The following PDE4D variants were observed in gnomAD, a reference collection of about 807,000 sequenced individuals.
PDE4D encodes 3',5'-cyclic-AMP phosphodiesterase 4D.
In PDE4D, 24 loss-of-function variants were observed where a neutral mutation model predicts 87.4. The observed-to-expected ratio is 0.27, with a 90% CI of 0.20 to 0.39. PDE4D has a LOEUF of 0.39. Ranked by LOEUF, PDE4D falls within the 10% of genes least tolerant of loss-of-function variation. PDE4D has a pLI of 1.00. For missense variants in PDE4D, 714 were observed against 1,041.0 expected, an observed-to-expected ratio of 0.69 and a Z score of 4.32; for synonymous variants, 384 against 383.2, an observed-to-expected ratio of 1.00 and a Z score of -0.02.
At chr5:59,435,194 C>T (rs1219387251) in intron 1 of PDE4D, among the ~76,000 whole-genome samples, 1 of 152,120 alleles carries the variant, frequency 6.6e-6, no homozygotes, top group Non-Finnish European at 1.5e-5. Context: ...CCTTCACTTA[C>T]CTACCAAGAT....
chr5:60,479,053 A>G (rs1194561160), intron 1 of PDE4D, among the ~76,000 whole-genome samples: 3 of 152,130 alleles, frequency 2.0e-5, no homozygotes, highest in Non-Finnish European at 4.4e-5. Context: ...GTGGCAATGT[A>G]ACTTGATGTT....
chr5:59,584,833 T>C (rs955809886), intron 1 of PDE4D, among the ~76,000 whole-genome samples: 1 of 152,062 alleles, frequency 6.6e-6, no homozygotes, highest in African/African-American at 2.4e-5. Flanking sequence ...AGGTATAAAA[T>C]GAACTCTGAA....
Position 59,675,882 on chromosome 5 carries a change from G to A in PDE4D, c.455+217286C>T, listed in dbSNP as rs188252194. ...TTTTTTTGTATTTTCAGTAGAGACA[G>A]GGTCTCACTATGTTGCCCTGGCTGA... On this transcript the variant is annotated intron_variant, in intron 1 of 14. Coordinates refer to ENST00000340635, the MANE Select transcript of PDE4D (RefSeq NM_001104631.2). Among the ~76,000 whole-genome samples, 307 of 152,134 alleles carry A rather than the reference G, an allele frequency of 2.0e-3. 4 individuals carry two copies. The highest frequency in any genetic ancestry group is 5.8e-4 in the East Asian group (3 of 5,174).
At chr5:60,154,404 G>A (rs1317910106) in intron 2 of PDE4D, among the ~76,000 whole-genome samples, 1 of 152,020 alleles carries the variant, frequency 6.6e-6, no homozygotes, top group African/African-American at 2.4e-5. Flanking sequence ...AGCCTCCTGA[G>A]TAGCTGGGAT....
chr5:59,194,431 C>T (rs1220468452), intron 2 of PDE4D, among the ~76,000 whole-genome samples: 1 of 152,162 alleles, frequency 6.6e-6, no homozygotes, highest in Non-Finnish European at 1.5e-5. Context: ...TTCGCTCACT[C>T]ATGAACAATC....
intron 1 of PDE4D, among the ~76,000 whole-genome samples, chr5:60,302,886 A>C (rs187888183): frequency 6.6e-5 from 10 of 152,178 alleles, no homozygotes; most frequent in African/African-American, 2.4e-4. Context: ...GCTGGAGTGC[A>C]GTGGCACAAT....
chr5:59,018,360 T>G (rs1754452723), intron 6 of PDE4D, among the ~76,000 whole-genome samples: 1 of 152,244 alleles, frequency 6.6e-6, no homozygotes, highest in Non-Finnish European at 1.5e-5. Flanking sequence ...CTGCCTCTCC[T>G]GGATTTCTTC....
chr5:59,008,907 CA>C (rs1397442711), intron 6 of PDE4D, among the ~76,000 whole-genome samples: 1 of 151,834 alleles, frequency 6.6e-6, no homozygotes. Flanking sequence ...AAAAGATGGT[CA>C]AAAGATTTGA....
At chr5:59,329,725 C>T (rs1776365656) in intron 1 of PDE4D, among the ~76,000 whole-genome samples, 1 of 152,082 alleles carries the variant, frequency 6.6e-6, no homozygotes, top group African/African-American at 2.4e-5. Context: ...GCAGGCTGTC[C>T]TTGTCTACTT....
At chr5:58,987,478 C>A (rs1283212194) in intron 11 of PDE4D, among the ~76,000 whole-genome samples, 1 of 152,070 alleles carries the variant, frequency 6.6e-6, no homozygotes, top group Non-Finnish European at 1.5e-5. Flanking sequence ...GGTAAATAAT[C>A]CTAAAGCTCT....
chr5:59,231,419 T>A (rs970948821), intron 1 of PDE4D, among the ~76,000 whole-genome samples: 1 of 152,174 alleles, frequency 6.6e-6, no homozygotes, highest in Non-Finnish European at 1.5e-5. Context: ...TCATAGCTCC[T>A]CCCACATGCC....
intron 3 of PDE4D, among the ~76,000 whole-genome samples, chr5:59,919,785 T>C (rs572160375): frequency 1.3e-5 from 2 of 152,334 alleles, no homozygotes; most frequent in African/African-American, 4.8e-5. Flanking sequence ...TTTTTCAAAT[T>C]GGTTTTACAT....
chr5:59,187,713 T>C (rs928384946), intron 3 of PDE4D, among the ~76,000 whole-genome samples: 1 of 152,228 alleles, frequency 6.6e-6, no homozygotes, highest in Non-Finnish European at 1.5e-5. Flanking sequence ...CAATAAATAA[T>C]CTTGTAGAGA....
chr5:60,197,923 GA>G (rs1465246279), intron 1 of PDE4D, among the ~76,000 whole-genome samples: 3 of 151,198 alleles, frequency 2.0e-5, no homozygotes, highest in African/African-American at 7.3e-5. Flanking sequence ...CCCACAAATT[GA>G]AAACTGTACA....
chr5:59,044,905 A>G (rs1041084671), intron 5 of PDE4D, among the ~76,000 whole-genome samples: 14 of 152,222 alleles, frequency 9.2e-5, no homozygotes, highest in African/African-American at 3.1e-4. Flanking sequence ...GAATTTTTAT[A>G]TGAAATAAAC....
At chr5:60,513,573 A>G (rs1750667158) in intron 1 of PDE4D, among the ~76,000 whole-genome samples, 1 of 152,104 alleles carries the variant, frequency 6.6e-6, no homozygotes. Flanking sequence ...TGATTTTAAA[A>G]CTTCAACATA....
intron 1 of PDE4D, among the ~76,000 whole-genome samples, chr5:59,888,470 A>C (rs1037730338): frequency 6.6e-6 from 1 of 152,258 alleles, no homozygotes; most frequent in Non-Finnish European, 1.5e-5. Context: ...AAAAGGTTCA[A>C]ACTAATTTTG....
intron 1 of PDE4D, among the ~76,000 whole-genome samples, chr5:59,483,099 G>GT (rs1331228838): frequency 6.6e-6 from 1 of 152,256 alleles, no homozygotes; most frequent in East Asian, 1.9e-4. Flanking sequence ...TGGGAGGTTG[G>GT]TTTTTTCCTG....
intron 1 of PDE4D, among the ~76,000 whole-genome samples, chr5:59,498,008 G>A (rs1158162289): frequency 6.6e-6 from 1 of 151,922 alleles, no homozygotes; most frequent in African/African-American, 2.4e-5. Context: ...AGAAGAGATT[G>A]GGGGACTATT....
Sources: gnomAD v4.1 joint callset for allele counts (sites outside exome capture counted in the v4.1 genomes callset) on GRCh38, gnomAD v4.1.1 for gene constraint, MANE v1.5 for transcripts, NCBI Gene and HGNC (gene_info 2026-07-23, HGNC 2026-07-21) for gene names.